The following SCHIP1 variants were observed in gnomAD, a reference collection of about 807,000 sequenced individuals.
SCHIP1 encodes schwannomin-interacting protein 1.
A neutral mutation model predicts 29.7 loss-of-function variants in SCHIP1; 8 were observed. That is an observed-to-expected ratio of 0.27 (90% CI 0.16 to 0.49). The LOEUF (loss-of-function observed/expected upper bound fraction) is 0.49. Ranked by LOEUF, SCHIP1 falls within the 20% of genes least tolerant of loss-of-function variation. The pLI is 0.99. For missense variants in SCHIP1, 193 were observed against 294.6 expected (o/e 0.66, Z 2.52); for synonymous variants, 76 against 94.9 (o/e 0.80, Z 1.16).
the SCHIP1 span, among the ~76,000 whole-genome samples, chr3:159,828,441 G>A: frequency 2.0e-3 from 84 of 42,944 alleles, 2 homozygotes; most frequent in African/African-American, 2.6e-3. Context: ...GTATATATAC[G>A]TATATATATA....
chr3:159,552,820 T>C, the SCHIP1 span, among the ~76,000 whole-genome samples: 3 of 152,236 alleles, frequency 2.0e-5, no homozygotes, highest in Non-Finnish European at 4.4e-5. Flanking sequence ...AACCTTACCA[T>C]TGATTTGAAG....
the SCHIP1 span, among the ~76,000 whole-genome samples, chr3:159,813,312 C>T: frequency 3.9e-5 from 6 of 152,202 alleles, no homozygotes; most frequent in Middle Eastern, 0.01. Context: ...TTAAAATTCC[C>T]GTATTGTAAA....
the SCHIP1 span, among the ~76,000 whole-genome samples, chr3:159,578,821 A>T: frequency 3.3e-5 from 5 of 151,978 alleles, no homozygotes; most frequent in African/African-American, 1.2e-4. Flanking sequence ...TTCCTCTTAT[A>T]AGAACCCTAG....
At chr3:159,611,424 C>G in the SCHIP1 span, among the ~76,000 whole-genome samples, 2 of 150,286 alleles carry the variant, frequency 1.3e-5, no homozygotes, top group South Asian at 4.2e-4. Flanking sequence ...CAAACTAACA[C>G]AGGAACAGAA....
chr3:159,343,347 A>C, the SCHIP1 span, among the ~76,000 whole-genome samples: 1 of 152,208 alleles, frequency 6.6e-6, no homozygotes, highest in Non-Finnish European at 1.5e-5. Flanking sequence ...ATTTCTGCAA[A>C]GTCATAAAAC....
the SCHIP1 span, among the ~76,000 whole-genome samples, chr3:159,418,825 C>A: frequency 6.6e-6 from 1 of 152,176 alleles, no homozygotes; most frequent in Non-Finnish European, 1.5e-5. Flanking sequence ...CAGTAACCAC[C>A]AAACTACCTC....
chr3:159,291,624 C>T, the SCHIP1 span, among the ~76,000 whole-genome samples: 4 of 152,246 alleles, frequency 2.6e-5, no homozygotes, highest in East Asian at 5.8e-4. Flanking sequence ...CCCAATTATT[C>T]ATCAATCTCA....
At chr3:159,461,803 A>G in the SCHIP1 span, among the ~76,000 whole-genome samples, 1 of 152,152 alleles carries the variant, frequency 6.6e-6, no homozygotes, top group Non-Finnish European at 1.5e-5. Context: ...GAATAAGCAT[A>G]TGTAACTATT....
chr3:159,298,691 A>G, the SCHIP1 span, among the ~76,000 whole-genome samples: 20 of 152,072 alleles, frequency 1.3e-4, no homozygotes, highest in Admixed American at 1.3e-4. Flanking sequence ...CCCAAAGCCA[A>G]GTGCTACAGA....
chr3:159,633,257 C>T, the SCHIP1 span, among the ~76,000 whole-genome samples: 1 of 152,068 alleles, frequency 6.6e-6, no homozygotes, highest in Admixed American at 6.6e-5. Context: ...TATAATAAAC[C>T]TTGAATTTAT....
chr3:159,575,999 A>C, the SCHIP1 span, among the ~76,000 whole-genome samples: 2 of 152,166 alleles, frequency 1.3e-5, no homozygotes, highest in Admixed American at 6.5e-5. Context: ...GGCTCAATTT[A>C]ATTTTCAGAA....
the SCHIP1 span, among the ~76,000 whole-genome samples, chr3:159,468,777 A>ATATATATT: frequency 2.9e-3 from 369 of 127,280 alleles, 2 homozygotes; most frequent in Admixed American, 8.1e-3. Flanking sequence ...ATATATATAT[A>ATATATATT]TTTTTTTTAG....
intron 6 of SCHIP1, chr3:159,892,484 C>G (rs1560099638): frequency 1.8e-6 from 1 of 562,614 alleles, no homozygotes; most frequent in Non-Finnish European, 3.1e-6. Context: ...CCTTGAAGGA[C>G]TGTCCCCTGG....
the SCHIP1 span, among the ~76,000 whole-genome samples, chr3:159,729,798 A>G: frequency 5.9e-5 from 9 of 152,216 alleles, no homozygotes; most frequent in South Asian, 8.3e-4. Context: ...TTGAAATCAC[A>G]TATGGCAAAT....
chr3:159,490,060 T>C, the SCHIP1 span, among the ~76,000 whole-genome samples: 2 of 152,184 alleles, frequency 1.3e-5, no homozygotes, highest in Non-Finnish European at 2.9e-5. Flanking sequence ...GAGAATGTAT[T>C]CATGTAACTG....
the SCHIP1 span, among the ~76,000 whole-genome samples, chr3:159,555,442 T>A: frequency 6.6e-6 from 1 of 152,250 alleles, no homozygotes; most frequent in East Asian, 1.9e-4. Flanking sequence ...TTCTTAAAAC[T>A]ACTGAGTGGT....
At chr3:159,417,221 C>T in the SCHIP1 span, among the ~76,000 whole-genome samples, 2 of 152,132 alleles carry the variant, frequency 1.3e-5, no homozygotes, top group Non-Finnish European at 2.9e-5. Flanking sequence ...AAGAGAAGTT[C>T]CTCCCAAGCT....
At chr3:159,525,847 C>T in the SCHIP1 span, among the ~76,000 whole-genome samples, 1 of 152,162 alleles carries the variant, frequency 6.6e-6, no homozygotes, top group Non-Finnish European at 1.5e-5. Flanking sequence ...TCCTTAAATG[C>T]TTATTTTACA....
the SCHIP1 span, among the ~76,000 whole-genome samples, chr3:159,372,334 A>G: frequency 8.1e-4 from 124 of 152,226 alleles, 1 homozygote; most frequent in African/African-American, 2.9e-3. Context: ...TTAAAGCTGA[A>G]AATGGACCCA....
Sources: gnomAD v4.1 joint callset for allele counts (sites outside exome capture counted in the v4.1 genomes callset) on GRCh38, gnomAD v4.1.1 for gene constraint, MANE v1.5 for transcripts, NCBI Gene and HGNC (gene_info 2026-07-23, HGNC 2026-07-21) for gene names.